The following EXOC6 variants were observed in gnomAD, a reference collection of about 807,000 sequenced individuals.
The protein encoded by EXOC6 is exocyst complex component 6, also known as SEC15-like 1.
Under a neutral mutation model 112.5 loss-of-function variants are expected in EXOC6, and 60 were observed. That is an observed-to-expected ratio of 0.53 (90% CI 0.43 to 0.66). The LOEUF (loss-of-function observed/expected upper bound fraction) is 0.66. EXOC6 is among the 30% of genes least tolerant of loss of function. EXOC6 has a pLI of 0.00. For synonymous variants in EXOC6, 295 were observed against 308.0 expected (o/e 0.96, Z 0.44); for missense variants, 855 against 957.1 (o/e 0.89, Z 1.41).
At chr10:92,872,477 A>G (rs919523109) in intron 1 of EXOC6, among the ~76,000 whole-genome samples, 1 of 152,162 alleles carries the variant, frequency 6.6e-6, no homozygotes, top group East Asian at 1.9e-4. Context: ...ATTAGGCTTC[A>G]CAGTTTTATA....
intron 1 of EXOC6, among the ~76,000 whole-genome samples, chr10:92,876,238 G>A (rs958079520): frequency 1.3e-5 from 2 of 152,102 alleles, no homozygotes; most frequent in African/African-American, 4.8e-5. Flanking sequence ...TAATTTCTTA[G>A]TCAAGATCTT....
intron 5 of EXOC6, among the ~76,000 whole-genome samples, chr10:92,908,547 CTGAG>C: frequency 6.6e-6 from 1 of 152,086 alleles, no homozygotes; most frequent in Non-Finnish European, 1.5e-5. Flanking sequence ...ATTTTTGGTG[CTGAG>C]TATTATTGTA....
chr10:92,964,109 CCT>C (rs1004607979), intron 17 of EXOC6, among the ~76,000 whole-genome samples: 65 of 151,140 alleles, frequency 4.3e-4, no homozygotes, highest in African/African-American at 1.5e-3. Context: ...CACACAAATC[CCT>C]CTTTTATTTT....
chr10:92,946,716 A>G (rs1341967074), intron 13 of EXOC6, among the ~76,000 whole-genome samples: 1 of 152,074 alleles, frequency 6.6e-6, no homozygotes, highest in Non-Finnish European at 1.5e-5. Context: ...TTGTGGTTTT[A>G]CACCCCCCCA....
rs150663491 is a variant in EXOC6, at chr10:92,943,929, C to T, written c.1310+3105C>T. ...CCCTACCCTCTGGTAACCTATAAAT[C>T]AGAAATCAGGCTTCTCTCTACTTCT... is the stretch of plus-strand genomic sequence containing the variant. On this transcript the variant is annotated intron_variant, in intron 13 of 21. Coordinates refer to ENST00000260762, the MANE Select transcript of EXOC6 (RefSeq NM_019053.6). 3.6e-3 allele frequency among the ~76,000 whole-genome samples: 546 copies of T among 152,310 alleles called. 3 individuals carry two copies. The highest frequency in any genetic ancestry group is 0.013 in the African/African-American group (521 of 41,564).
intron 7 of EXOC6, among the ~76,000 whole-genome samples, chr10:92,918,321 G>C (rs531958382): frequency 2.0e-5 from 3 of 151,814 alleles, no homozygotes; most frequent in African/African-American, 7.3e-5. Flanking sequence ...GACATAATTG[G>C]GATGCAGTAA....
upstream of EXOC6, among the ~76,000 whole-genome samples, chr10:92,843,712 C>T (rs1846942389): frequency 1.3e-5 from 2 of 150,892 alleles, no homozygotes; most frequent in South Asian, 2.1e-4. Flanking sequence ...CTGAGTGGGC[C>T]GTCGCGGTGG....
rs184900568 is a variant in EXOC6 at position 92,916,665 on chromosome 10, C to G, written c.819+752C>G. ...CAATTTGCATAACAATCTGTCTCCC[C>G]GGTAAAACCCTAACCTCCTTTGTTC... On this transcript the variant is annotated intron_variant, in intron 7 of 21. Transcript: ENST00000260762. Among the ~76,000 whole-genome samples the G allele has an allele frequency of 3.9e-5, 6 of 152,334 alleles. 1 individual carries two copies. The South Asian group carries it at 1.2e-3, about 32-fold the overall frequency.
At chr10:93,036,594 G>A (rs1275117876) in intron 20 of EXOC6, among the ~76,000 whole-genome samples, 2 of 152,118 alleles carry the variant, frequency 1.3e-5, no homozygotes, top group Admixed American at 1.3e-4. Context: ...GAGCACTTGT[G>A]TAAGTATTTC....
intron 20 of EXOC6, among the ~76,000 whole-genome samples, chr10:93,037,402 C>T (rs1845561682): frequency 6.6e-6 from 1 of 151,162 alleles, no homozygotes; most frequent in Admixed American, 6.6e-5. Context: ...ACCCAATGTG[C>T]GGGGATTAAT....
intron 8 of EXOC6, among the ~76,000 whole-genome samples, chr10:92,922,157 C>T (rs1033262105): frequency 6.6e-6 from 1 of 151,774 alleles, no homozygotes; most frequent in Non-Finnish European, 1.5e-5. Flanking sequence ...TGTTGGCTAG[C>T]CTGGTCTCGA....
chr10:92,893,779 A>G (rs1055346449), intron 2 of EXOC6, among the ~76,000 whole-genome samples: 1 of 152,210 alleles, frequency 6.6e-6, no homozygotes, highest in Non-Finnish European at 1.5e-5. Context: ...AAACATGCAT[A>G]CAATGAAAGG....
chr10:92,959,087 C>G (rs1294995023), intron 17 of EXOC6, among the ~76,000 whole-genome samples: 2 of 151,928 alleles, frequency 1.3e-5, no homozygotes, highest in African/African-American at 2.4e-5. Context: ...AGTGAAACTC[C>G]GTCTCAAAAA....
chr10:92,973,793 A>G (rs1020763882), intron 17 of EXOC6, among the ~76,000 whole-genome samples: 6 of 152,208 alleles, frequency 3.9e-5, no homozygotes, highest in Admixed American at 6.5e-5. Context: ...CAAGTCAGGA[A>G]TTAATATCTC....
intron 20 of EXOC6, among the ~76,000 whole-genome samples, chr10:93,016,374 C>T (rs1844515019): frequency 6.6e-6 from 1 of 151,924 alleles, no homozygotes; most frequent in Non-Finnish European, 1.5e-5. Flanking sequence ...CTCCCGGCAT[C>T]AAGTGATCCG....
intron 18 of EXOC6, among the ~76,000 whole-genome samples, chr10:92,981,356 TAACAGCTA>T (rs1320697296): frequency 6.6e-6 from 1 of 152,206 alleles, no homozygotes. Context: ...TTTCTGGAAA[TAACAGCTA>T]ACATTTTCTT....
intron 8 of EXOC6, among the ~76,000 whole-genome samples, chr10:92,922,060 C>T (rs1311391537): frequency 6.6e-6 from 1 of 152,016 alleles, no homozygotes; most frequent in Non-Finnish European, 1.5e-5. Flanking sequence ...ATTCTACTAC[C>T]TTAGCCTCCC....
chr10:92,882,465 A>G (rs1392093515), intron 1 of EXOC6, among the ~76,000 whole-genome samples: 1 of 149,224 alleles, frequency 6.7e-6, no homozygotes, highest in African/African-American at 2.5e-5. Flanking sequence ...AATTGCTTGA[A>G]CCTGGGAGGC....
rs375296603 is a variant in EXOC6, at chr10:93,050,316, C to T, written c.2170-6608C>T. Among the ~76,000 whole-genome samples the T allele has an allele frequency of 4.6e-5, 7 of 152,198 alleles. No homozygotes were observed. In the South Asian group the frequency reaches 6.2e-4, roughly 14 times the overall value. ...CTGTAATCCCAGCATTTTGGGAGGC[C>T]GAGGTGGGTGGATCACTTGAGGCCA... On this transcript the variant is annotated intron_variant, in intron 20 of 21. Coordinates refer to ENST00000260762, the MANE Select transcript of EXOC6 (RefSeq NM_019053.6).
Sources: allele counts gnomAD v4.1 joint callset (sites outside exome capture counted in the v4.1 genomes callset), GRCh38; gene constraint gnomAD v4.1.1; transcripts MANE v1.5; gene names NCBI Gene and HGNC (gene_info 2026-07-23, HGNC 2026-07-21).